SFMBT1: variants seen among roughly 807,000 people sequenced by gnomAD.
The protein encoded by SFMBT1 is Scm like with four mbt domains 1.
SFMBT1 carries 32 observed loss-of-function variants against 108.7 expected under a neutral mutation model. The ratio of observed to expected loss-of-function variants is 0.29; its 90% CI spans 0.22 to 0.40. SFMBT1 has a LOEUF of 0.40. SFMBT1 is among the 10% of genes least tolerant of loss of function. The probability of loss-of-function intolerance (pLI) is 1.00; values close to 1 mark genes in which losing one functional copy is unlikely to be tolerated. For synonymous variants in SFMBT1, 348 were observed against 369.5 expected (o/e 0.94, Z 0.67); for missense variants, 816 against 1,059.6 (o/e 0.77, Z 3.19).
chr3:52,981,272 A>C (rs1704701572), intron 1 of SFMBT1, among the ~76,000 whole-genome samples: 1 of 152,130 alleles, frequency 6.6e-6, no homozygotes, highest in South Asian at 2.1e-4. Flanking sequence ...TTAGGAGGAG[A>C]AGCAGCTTCT....
intron 14 of SFMBT1, among the ~76,000 whole-genome samples, chr3:52,915,890 T>C (rs971497588): frequency 5.9e-5 from 9 of 152,360 alleles, no homozygotes; most frequent in South Asian, 2.1e-4. Context: ...GATGGTAACA[T>C]TGGCCTTCTG....
chr3:52,910,981 A>G (rs1490209326), intron 17 of SFMBT1, 22 bp downstream of exon 17: 1 of 1,613,022 alleles, frequency 6.2e-7, no homozygotes, highest in Non-Finnish European at 8.5e-7. Flanking sequence ...TATGGTTAAC[A>G]CATTGGAAAA....
chr3:53,012,510 C>T (rs183463397), intron 1 of SFMBT1, among the ~76,000 whole-genome samples: 203 of 152,162 alleles, frequency 1.3e-3, no homozygotes, highest in African/African-American at 4.5e-3. Flanking sequence ...TCACGCCATT[C>T]TCCTGCCTCA....
chr3:52,950,800 A>T (rs1703553822), intron 3 of SFMBT1, among the ~76,000 whole-genome samples: 2 of 151,764 alleles, frequency 1.3e-5, no homozygotes, highest in South Asian at 4.2e-4. Flanking sequence ...ATAAACTGTT[A>T]TATGTTCCCT....
At chr3:52,970,566 C>T (rs1042360492) in intron 1 of SFMBT1, among the ~76,000 whole-genome samples, 1 of 152,112 alleles carries the variant, frequency 6.6e-6, no homozygotes, top group African/African-American at 2.4e-5. Flanking sequence ...GAGAAGAGAG[C>T]TGCTACAGGA....
chr3:52,957,640 C>T (rs1407164156), intron 2 of SFMBT1, among the ~76,000 whole-genome samples: 3 of 152,156 alleles, frequency 2.0e-5, no homozygotes, highest in African/African-American at 7.2e-5. Flanking sequence ...ATAGAGAACT[C>T]AGAAATAAGA....
chr3:52,916,698 A>G (rs1345528198), intron 13 of SFMBT1, among the ~76,000 whole-genome samples: 3 of 150,794 alleles, frequency 2.0e-5, no homozygotes, highest in Non-Finnish European at 4.4e-5. Flanking sequence ...AACAACAACA[A>G]CAACAACAAA....
chr3:53,040,810 TG>T (rs966359288), intron 1 of SFMBT1, among the ~76,000 whole-genome samples: 3 of 151,492 alleles, frequency 2.0e-5, no homozygotes, highest in African/African-American at 4.9e-5. Flanking sequence ...CTTTTTTTTT[TG>T]TTTTTATTTA....
chr3:52,907,233 C>T lies in SFMBT1; in HGVS notation c.2167G>A (p.Asp723Asn). ...LSEGSTSEQQDELQEESEMSE... is the reference protein window; with the variant it reads ...LSEGSTSEQQNELQEESEMSE... ...ATTTCTGATTCTTCCTGTAGCTCAT[C>T]CTGCTGCTCGGATGTACTGCCTTCA... Residue 723 changes from aspartate (D) to asparagine (N), a missense_variant, in exon 19 of 21, where the codon GAT becomes AAT. Around this residue, in one of 5 missense-constraint regions of SFMBT1, gnomAD observed 177 missense variants for 182.0 expected, o/e 0.97. Transcript: ENST00000394752. The T allele has an allele frequency of 6.2e-7, 1 of 1,614,072 alleles. No homozygotes were observed. The highest frequency in any genetic ancestry group is 8.5e-7 in the Non-Finnish European group (1 of 1,180,002).
intron 2 of SFMBT1, among the ~76,000 whole-genome samples, chr3:52,961,266 G>A (rs572177193): frequency 1.3e-5 from 2 of 152,312 alleles, no homozygotes; most frequent in South Asian, 4.1e-4. Flanking sequence ...ATTAAATGGT[G>A]GGTGCTAGGG....
chr3:53,025,408 G>A (rs1309443920), intron 1 of SFMBT1, among the ~76,000 whole-genome samples: 1 of 152,124 alleles, frequency 6.6e-6, no homozygotes, highest in Non-Finnish European at 1.5e-5. Flanking sequence ...AGGAATTTGA[G>A]ACCAGCCTGG....
intron 2 of SFMBT1, among the ~76,000 whole-genome samples, chr3:52,962,374 A>G (rs1488586281): frequency 2.0e-5 from 3 of 152,358 alleles, no homozygotes; most frequent in South Asian, 4.1e-4. Context: ...TAAATATGGT[A>G]TATGTATTCA....
intron 3 of SFMBT1, among the ~76,000 whole-genome samples, chr3:52,951,126 A>AAAAAAAAAAAG (rs1553637540): frequency 7.5e-6 from 1 of 134,120 alleles, no homozygotes; most frequent in African/African-American, 2.7e-5. Context: ...TAAAAAAAAA[A>AAAAAAAAAAAG]AAAAAAGAAA....
chr3:52,983,199 G>A (rs1221281206), intron 1 of SFMBT1, among the ~76,000 whole-genome samples: 3 of 152,090 alleles, frequency 2.0e-5, no homozygotes, highest in Non-Finnish European at 2.9e-5. Flanking sequence ...CCTACCCAAC[G>A]TGAAGATGAC....
At position 52,943,446 on chromosome 3, in the gene SFMBT1, G is replaced by A; in HGVS notation, c.271C>T (p.Arg91Trp). The change falls in exon 4 of 21, where the codon CGG becomes TGG. Residue 91 changes from arginine to tryptophan, a missense_variant. Transcript: ENST00000394752. ...ATGTCACACCAGAAATCTGCTCTCC[G>A]ATCCTCCCCATAGCCATCATAGCGG... ...LLRYDGYGED[R>W]RADFWCDIRK... 3 of 1,614,156 alleles carry A rather than the reference G, an allele frequency of 1.9e-6. No individual in the cohort carries two copies. Among genetic ancestry groups the A allele is most frequent in the Non-Finnish European group, 2.5e-6 (3 of 1,180,014 alleles).
At chr3:52,992,900 C>T (rs1705188322) in intron 1 of SFMBT1, among the ~76,000 whole-genome samples, 1 of 152,170 alleles carries the variant, frequency 6.6e-6, no homozygotes, top group Non-Finnish European at 1.5e-5. Flanking sequence ...TATGATTTTA[C>T]ACTGTGCCTG....
At chr3:52,956,722 C>A (rs925275019) in intron 2 of SFMBT1, among the ~76,000 whole-genome samples, 4 of 152,154 alleles carry the variant, frequency 2.6e-5, no homozygotes, top group African/African-American at 9.7e-5. Context: ...GGTTGCGCCA[C>A]TGCACTCCAG....
chr3:53,019,429 C>T (rs1402133736), intron 1 of SFMBT1, among the ~76,000 whole-genome samples: 5 of 151,906 alleles, frequency 3.3e-5, no homozygotes, highest in Non-Finnish European at 7.4e-5. Context: ...GACTCACTCA[C>T]TGAGCTCCAG....
chr3:53,023,011 C>T (rs546590177), intron 1 of SFMBT1, among the ~76,000 whole-genome samples: 171 of 152,120 alleles, frequency 1.1e-3, no homozygotes, highest in Non-Finnish European at 1.9e-3. Context: ...AAAAGTCATC[C>T]CTAATAAATA....
Sources: allele counts gnomAD v4.1 joint callset (sites outside exome capture counted in the v4.1 genomes callset), GRCh38; gene constraint gnomAD v4.1.1; regional missense constraint gnomAD v4.1.1; transcripts MANE v1.5; gene names NCBI Gene and HGNC (gene_info 2026-07-23, HGNC 2026-07-21).